The following IL1RAPL2 variants were observed in gnomAD, a reference collection of about 807,000 sequenced individuals.
IL1RAPL2 encodes the protein X-linked interleukin-1 receptor accessory protein-like 2.
A neutral mutation model predicts 44.1 loss-of-function variants in IL1RAPL2; 3 were observed. That is an observed-to-expected ratio of 0.07 (90% CI 0.03 to 0.18). The LOEUF is 0.18. Among genes scored for constraint, IL1RAPL2 ranks in the 10% least tolerant of loss-of-function variants. The pLI is 1.00. For synonymous variants in IL1RAPL2, 181 were observed against 178.8 expected (o/e 1.01, Z -0.10); for missense variants, 391 against 496.4 (o/e 0.79, Z 2.02).
chrX:105,456,538 G>A (rs1417903380), intron 5 of IL1RAPL2, among the ~76,000 whole-genome samples: 2 of 111,305 alleles, frequency 1.8e-5, no homozygotes, highest in African/African-American at 3.3e-5. Flanking sequence ...AAGAGGTGTC[G>A]AATTTCATCA....
chrX:105,731,542 C>A (rs2038406259), intron 7 of IL1RAPL2, among the ~76,000 whole-genome samples: 1 of 110,862 alleles, frequency 9.0e-6, no homozygotes, highest in South Asian at 3.8e-4. Context: ...TTGACAATAG[C>A]AATAATATGG....
At chrX:104,966,010 A>T (rs2030114793) in intron 2 of IL1RAPL2, among the ~76,000 whole-genome samples, 1 of 111,546 alleles carries the variant, frequency 9.0e-6, no homozygotes, top group African/African-American at 3.2e-5. Flanking sequence ...GACTGAGAAT[A>T]TTCTAGAATT....
At chrX:105,397,081 G>A (rs1033852028) in intron 5 of IL1RAPL2, among the ~76,000 whole-genome samples, 1 of 110,699 alleles carries the variant, frequency 9.0e-6, no homozygotes, top group Non-Finnish European at 1.9e-5. Flanking sequence ...CTCCTTATGA[G>A]AATCTAATGC....
chrX:105,694,222 C>T (rs377469230), intron 6 of IL1RAPL2, among the ~76,000 whole-genome samples: 10 of 111,552 alleles, frequency 9.0e-5, no homozygotes, highest in African/African-American at 2.9e-4. Flanking sequence ...AAATAGAATT[C>T]ATCTCTTGAC....
intron 2 of IL1RAPL2, among the ~76,000 whole-genome samples, chrX:104,676,418 A>C (rs911719021): frequency 1.5e-4 from 17 of 111,576 alleles, no homozygotes; most frequent in Non-Finnish European, 2.6e-4. Context: ...AAGAATGTTG[A>C]ATATTGGCCC....
At chrX:105,560,350 C>T (rs1288182427) in intron 6 of IL1RAPL2, among the ~76,000 whole-genome samples, 1 of 112,067 alleles carries the variant, frequency 8.9e-6, no homozygotes, top group Non-Finnish European at 1.9e-5. Context: ...CCCTCTCTTT[C>T]TTTAACTGTT....
At chrX:104,848,699 A>G (rs1922134362) in intron 2 of IL1RAPL2, among the ~76,000 whole-genome samples, 2 of 108,604 alleles carry the variant, frequency 1.8e-5, no homozygotes, top group Admixed American at 2.0e-4. Flanking sequence ...GTGATAATCT[A>G]GGAAGAACTT....
At chrX:104,709,508 C>T (rs908871230) in intron 2 of IL1RAPL2, among the ~76,000 whole-genome samples, 3 of 110,105 alleles carry the variant, frequency 2.7e-5, no homozygotes, top group Admixed American at 1.9e-4. Flanking sequence ...TTGTCTTCTC[C>T]GCCATTCTCT....
chrX:105,433,764 T>G (rs1376407801), intron 5 of IL1RAPL2, among the ~76,000 whole-genome samples: 1 of 111,387 alleles, frequency 9.0e-6, no homozygotes, highest in Non-Finnish European at 1.9e-5. Flanking sequence ...TGACTTAACC[T>G]GTTCATACTC....
chrX:104,926,182 T>G (rs1282405207), intron 2 of IL1RAPL2, among the ~76,000 whole-genome samples: 1 of 111,855 alleles, frequency 8.9e-6, no homozygotes, highest in Non-Finnish European at 1.9e-5. Flanking sequence ...ACTACCCTGA[T>G]AGAAATCTTT....
intron 2 of IL1RAPL2, among the ~76,000 whole-genome samples, chrX:104,849,371 T>TATATATATATATATATATATATA (rs1298461170): frequency 3.7e-4 from 36 of 96,269 alleles, no homozygotes; most frequent in Middle Eastern, 5.2e-3. Flanking sequence ...TATATATGGA[T>TATATATATATATATATATATATA]TACTTACGGA....
At chrX:105,551,924 T>C (rs1402593821) in intron 6 of IL1RAPL2, among the ~76,000 whole-genome samples, 12 of 110,382 alleles carry the variant, frequency 1.1e-4, no homozygotes, top group Non-Finnish European at 2.3e-4. Context: ...GCTAACACGG[T>C]GAAACCCCGT....
chrX:104,759,360 C>A (rs1231219233), intron 2 of IL1RAPL2, among the ~76,000 whole-genome samples: 4 of 111,646 alleles, frequency 3.6e-5, no homozygotes, highest in East Asian at 2.8e-4. Flanking sequence ...TGAAGTTAGA[C>A]CTGATTCAAA....
intron 2 of IL1RAPL2, among the ~76,000 whole-genome samples, chrX:105,145,453 G>T (rs184660115): frequency 1.3e-4 from 15 of 111,583 alleles, no homozygotes; most frequent in African/African-American, 4.6e-4. Context: ...GAAGGAGGCA[G>T]GTTGGTTAAG....
intron 2 of IL1RAPL2, among the ~76,000 whole-genome samples, chrX:105,143,641 C>T (rs2033148273): frequency 8.9e-6 from 1 of 112,345 alleles, no homozygotes; most frequent in Admixed American, 9.4e-5. Context: ...AAGACACATG[C>T]ACACGTATGT....
At position 105,753,040 on chromosome X, in the gene IL1RAPL2, CTT is replaced by C. The variant is rs1231205079; in HGVS notation, c.1193-2135_1193-2134del. ...AATACGTACCAAGGACATGCATGCT[CTT>C]TGTCACATCTTAGAAAATGTAAGTA... is the stretch of plus-strand genomic sequence containing the variant. On this transcript the variant is annotated intron_variant, in intron 9 of 10. Coordinates refer to ENST00000372582, the MANE Select transcript of IL1RAPL2 (RefSeq NM_017416.2). The C allele has an allele frequency of 1.2e-5, 4 of 328,802 alleles. No homozygotes were observed. The Admixed American group carries it at 1.3e-4, about 10-fold the overall frequency. The allele number at this position is 328,802 out of a possible 1,213,427, so 27.1% of individuals were successfully genotyped here. A position where few individuals can be genotyped will look rare whatever the true frequency, so the allele number is the denominator to read the frequency against.
chrX:105,431,275 G>A (rs1404122277), intron 5 of IL1RAPL2, among the ~76,000 whole-genome samples: 1 of 112,098 alleles, frequency 8.9e-6, no homozygotes, highest in Non-Finnish European at 1.9e-5. Flanking sequence ...GTCTAACTAG[G>A]TGGCTTGCCA....
At position 104,930,769 on chromosome X, in the gene IL1RAPL2, C is replaced by G. The variant is rs1012951030; in HGVS notation, c.83-264706C>G. Reference sequence around the variant, plus strand: ...ACTTATGATGAGCTAGTATAGTTAGCCATATTGCATTCATTAACTTATTAA... The same window carrying G: ...ACTTATGATGAGCTAGTATAGTTAGGCATATTGCATTCATTAACTTATTAA... On this transcript the variant is annotated intron_variant, in intron 2 of 10. Transcript: ENST00000372582. 6.3e-5 allele frequency among the ~76,000 whole-genome samples: 7 copies of G among 111,667 alleles called. 1 individual carries two copies. In the Admixed American group the frequency reaches 6.7e-4, roughly 11 times the overall value.
chrX:105,112,611 T>C (rs181572260), intron 2 of IL1RAPL2, among the ~76,000 whole-genome samples: 1 of 112,765 alleles, frequency 8.9e-6, no homozygotes, highest in Admixed American at 9.3e-5. Context: ...TCTATTAATC[T>C]AAAGTACAAC....
Sources: gnomAD v4.1 joint callset for allele counts (sites outside exome capture counted in the v4.1 genomes callset) on GRCh38, gnomAD v4.1.1 for gene constraint, MANE v1.5 for transcripts, NCBI Gene and HGNC (gene_info 2026-07-23, HGNC 2026-07-21) for gene names.